DCDC1: variants seen among roughly 807,000 people sequenced by gnomAD.
The protein encoded by DCDC1 is doublecortin domain containing 1, also known as doublecortin domain-containing protein 1.
DCDC1 carries 200 observed loss-of-function variants against 178.3 expected under a neutral mutation model. That is an observed-to-expected ratio of 1.12 (90% CI 1.00 to 1.26). The LOEUF (loss-of-function observed/expected upper bound fraction) is 1.26. DCDC1 is among the 50% of genes most tolerant of loss of function. DCDC1 has a pLI of 0.00. For missense variants in DCDC1, 1,983 were observed against 1,749.2 expected (o/e 1.13, Z -2.38); for synonymous variants, 690 against 604.8 (o/e 1.14, Z -2.07).
At chr11:31,115,797 G>C (rs549680159) in intron 11 of DCDC1, among the ~76,000 whole-genome samples, 3 of 152,128 alleles carry the variant, frequency 2.0e-5, no homozygotes, top group African/African-American at 7.2e-5. Flanking sequence ...TGCCTCTGGT[G>C]GGAGCTCTAG....
At chr11:31,194,263 T>A (rs1440994217) in intron 9 of DCDC1, among the ~76,000 whole-genome samples, 1 of 152,118 alleles carries the variant, frequency 6.6e-6, no homozygotes, top group Non-Finnish European at 1.5e-5. Flanking sequence ...AACACATGTA[T>A]AATCAGTAGG....
chr11:31,250,516 C>A (rs182962565), intron 8 of DCDC1, among the ~76,000 whole-genome samples: 129 of 147,646 alleles, frequency 8.7e-4, no homozygotes, highest in African/African-American at 3.1e-3. Context: ...CCTAAAACAC[C>A]CTAAACCCCT....
intron 7 of DCDC1, among the ~76,000 whole-genome samples, chr11:31,282,270 T>C (rs531669178): frequency 3.3e-5 from 5 of 151,986 alleles, no homozygotes; most frequent in Admixed American, 2.0e-4. Flanking sequence ...GATTTTGAGA[T>C]ATAAATTTTC....
intron 20 of DCDC1, among the ~76,000 whole-genome samples, chr11:31,057,964 G>C (rs1463857357): frequency 1.3e-5 from 2 of 152,040 alleles, no homozygotes; most frequent in Non-Finnish European, 2.9e-5. Flanking sequence ...ATTCTGTGGG[G>C]ACAGCTCTGT....
At chr11:31,257,643 A>G (rs983546474) in intron 8 of DCDC1, among the ~76,000 whole-genome samples, 10 of 151,882 alleles carry the variant, frequency 6.6e-5, no homozygotes, top group Admixed American at 6.6e-5. Context: ...AAATTTCCCT[A>G]GAAAAATGGT....
chr11:31,274,049 G>A (rs1945791463), intron 7 of DCDC1, among the ~76,000 whole-genome samples: 1 of 152,174 alleles, frequency 6.6e-6, no homozygotes, highest in South Asian at 2.1e-4. Flanking sequence ...TTAAAGATGA[G>A]ATTTGGGTGG....
intron 20 of DCDC1, among the ~76,000 whole-genome samples, chr11:31,053,819 C>A (rs996777392): frequency 2.0e-5 from 3 of 152,080 alleles, no homozygotes; most frequent in Non-Finnish European, 4.4e-5. Context: ...AAGGGACATA[C>A]CTTAATGTAA....
chr11:30,910,698 G>A (rs1466755122), intron 28 of DCDC1, among the ~76,000 whole-genome samples: 1 of 152,030 alleles, frequency 6.6e-6, no homozygotes, highest in Non-Finnish European at 1.5e-5. Context: ...TTGGTTATAA[G>A]CATGTGAGAA....
chr11:31,022,806 T>C (rs1952974995), intron 20 of DCDC1, among the ~76,000 whole-genome samples: 1 of 151,818 alleles, frequency 6.6e-6, no homozygotes, highest in African/African-American at 2.4e-5. Flanking sequence ...TGCCTCCAAC[T>C]AGATTATAAG....
intron 7 of DCDC1, among the ~76,000 whole-genome samples, chr11:31,278,260 A>C (rs1030663909): frequency 6.6e-6 from 1 of 152,082 alleles, no homozygotes; most frequent in African/African-American, 2.4e-5. Flanking sequence ...TTCCCATATC[A>C]TCCTGTTTTG....
intron 6 of DCDC1, among the ~76,000 whole-genome samples, chr11:31,297,742 AGGCTAT>A (rs1565572402): frequency 3.9e-5 from 6 of 152,186 alleles, no homozygotes; most frequent in Admixed American, 1.3e-4. Flanking sequence ...CCTAGGGCTG[AGGCTAT>A]CTGGTACCTT....
chr11:31,114,762 G>A (rs779296412), intron 11 of DCDC1, among the ~76,000 whole-genome samples: 12 of 152,092 alleles, frequency 7.9e-5, no homozygotes, highest in Non-Finnish European at 1.3e-4. Flanking sequence ...AATCACTGCC[G>A]GGTTTGGAAT....
intron 9 of DCDC1, among the ~76,000 whole-genome samples, chr11:31,184,433 C>G (rs184329993): frequency 6.6e-6 from 1 of 152,172 alleles, no homozygotes; most frequent in East Asian, 1.9e-4. Flanking sequence ...TCAAAATTGA[C>G]AAATGGGATC....
At chr11:31,158,284 A>ATT in intron 9 of DCDC1, among the ~76,000 whole-genome samples, 1 of 135,566 alleles carries the variant, frequency 7.4e-6, no homozygotes, top group South Asian at 2.4e-4. Context: ...AATTTTTTGC[A>ATT]TTTTTTTTTT....
At chr11:31,245,021 C>T (rs1977656471) in intron 8 of DCDC1, among the ~76,000 whole-genome samples, 1 of 151,478 alleles carries the variant, frequency 6.6e-6, no homozygotes, top group Admixed American at 6.6e-5. Flanking sequence ...CAACCAATAC[C>T]TTTCTCACTC....
At chr11:30,994,634 ATATT>A (rs1951154576) in intron 20 of DCDC1, among the ~76,000 whole-genome samples, 1 of 145,600 alleles carries the variant, frequency 6.9e-6, no homozygotes, top group Non-Finnish European at 1.5e-5. Context: ...AATTATTTAT[ATATT>A]TATTATAATA....
intron 22 of DCDC1, among the ~76,000 whole-genome samples, chr11:30,929,816 T>C (rs1202707279): frequency 6.6e-6 from 1 of 152,130 alleles, no homozygotes; most frequent in African/African-American, 2.4e-5. Flanking sequence ...AAGGTCTTAA[T>C]TTATATAAAC....
chr11:31,066,886 G>T (rs1004373133), intron 18 of DCDC1, among the ~76,000 whole-genome samples: 2 of 152,088 alleles, frequency 1.3e-5, no homozygotes, highest in Admixed American at 1.3e-4. Context: ...GTCAGTGTAG[G>T]TTCACCAGTT....
chr11:31,190,763 A>G (rs2136347424), intron 9 of DCDC1, among the ~76,000 whole-genome samples: 1 of 152,176 alleles, frequency 6.6e-6, no homozygotes, highest in Admixed American at 6.6e-5. Context: ...TTTGATTTTC[A>G]TTTTTAAATT....
Sources: allele counts gnomAD v4.1 joint callset (sites outside exome capture counted in the v4.1 genomes callset), GRCh38; gene constraint gnomAD v4.1.1; transcripts MANE v1.5; gene names NCBI Gene and HGNC (gene_info 2026-07-23, HGNC 2026-07-21).